MSH4: variants seen among roughly 807,000 people sequenced by gnomAD.
MSH4 encodes the protein mutS homolog 4, also known as mutS protein homolog 4.
Under a neutral mutation model 113.7 loss-of-function variants are expected in MSH4, and 106 were observed. That is an observed-to-expected ratio of 0.93 (90% CI 0.80 to 1.10). The LOEUF (loss-of-function observed/expected upper bound fraction) is 1.10. MSH4 is among the 50% of genes least tolerant of loss of function. The pLI is 0.00. For synonymous variants in MSH4, 368 were observed against 380.2 expected, an observed-to-expected ratio of 0.97 and a Z score of 0.37; for missense variants, 1,061 against 1,093.7, an observed-to-expected ratio of 0.97 and a Z score of 0.42.
At chr1:75,900,024 A>G (rs1003584077) in intron 19 of MSH4, among the ~76,000 whole-genome samples, 6 of 151,966 alleles carry the variant, frequency 3.9e-5, no homozygotes, top group Non-Finnish European at 4.4e-5. Flanking sequence ...TAAAAATGAA[A>G]ATCACTATGC....
intron 1 of MSH4, among the ~76,000 whole-genome samples, chr1:75,798,991 T>A (rs1649878237): frequency 6.6e-6 from 1 of 152,196 alleles, no homozygotes; most frequent in African/African-American, 2.4e-5. Flanking sequence ...GATCAAACTC[T>A]CTAGAAGGAT....
rs768580249 is a variant in MSH4 at position 75,797,074 on chromosome 1, G to C, written c.89G>C (p.Arg30Pro). The change falls in exon 1 of 20, where the codon CGC becomes CCC. Residue 30 changes from arginine (R) to proline (P), a missense_variant. Arg to Pro is a moderately radical substitution (Grantham distance 103). Coordinates refer to ENST00000263187, the MANE Select transcript of MSH4 (RefSeq NM_002440.4). The stretch of plus-strand genomic sequence containing the variant: ...GAAACCCGCTCACCTCAGGGTCCCC[G>C]CTACAATTTCGGACTCCAGGAGACT... ...SGETRSPQGP[R>P]YNFGLQETPQ... is the part of the protein sequence containing the mutation. 1.2e-5 allele frequency: 20 copies of C among 1,613,922 alleles called. No individual in the cohort carries two copies. The East Asian group carries it at 4.2e-4, about 34-fold the overall frequency.
intron 6 of MSH4, 21 bp from the exon 7 acceptor site, chr1:75,822,388 A>T (rs754686918): frequency 6.7e-7 from 1 of 1,489,348 alleles, no homozygotes; most frequent in East Asian, 2.5e-5. Flanking sequence ...ATTCTTACTG[A>T]CATTTCTTGT....
chr1:75,906,967 G>A (rs1652673012), intron 19 of MSH4, among the ~76,000 whole-genome samples: 1 of 151,676 alleles, frequency 6.6e-6, no homozygotes, highest in Admixed American at 6.6e-5. Flanking sequence ...CTGAGTAGCT[G>A]GGACTACAGG....
At chr1:75,846,185 T>A (rs1570964428) in intron 7 of MSH4, among the ~76,000 whole-genome samples, 1 of 152,108 alleles carries the variant, frequency 6.6e-6, no homozygotes, top group East Asian at 1.9e-4. Flanking sequence ...CTTCCCTAGA[T>A]CTCTGAAATG....
chr1:75,846,128 G>A (rs1214275860), intron 7 of MSH4, among the ~76,000 whole-genome samples: 2 of 114,000 alleles, frequency 1.8e-5, no homozygotes, highest in Non-Finnish European at 3.6e-5. Flanking sequence ...AGCAAATGCT[G>A]AGGTCTCACA....
intron 6 of MSH4, among the ~76,000 whole-genome samples, chr1:75,820,793 C>A (rs573957637): frequency 8.6e-5 from 13 of 151,998 alleles, no homozygotes; most frequent in Non-Finnish European, 1.9e-4. Flanking sequence ...CAACAAAGAT[C>A]AAAAGAGACA....
In MSH4 at chr1:75,798,559, C is replaced by CTT. The variant is rs35974049; in HGVS notation, c.244+1344_244+1345dup. ...ATGATTAATTAAATTCCTCTCTGCA[C>CTT]TTTTTTTTTTTTTTTGAGACAGAGT... is the stretch of plus-strand genomic sequence containing the variant. On this transcript the variant is annotated intron_variant, in intron 1 of 19. Coordinates refer to ENST00000263187, the MANE Select transcript of MSH4 (RefSeq NM_002440.4). Among the ~76,000 whole-genome samples, 218 of 137,648 alleles carry CTT rather than the reference C, an allele frequency of 1.6e-3. 11 individuals carry two copies. The highest frequency in any genetic ancestry group is 2.3e-3 in the South Asian group (10 of 4,342). The allele number at this position is 137,648 out of a possible 152,430, so 90.3% of individuals were successfully genotyped here. A position where few individuals can be genotyped will look rare whatever the true frequency, so the allele number is the denominator to read the frequency against.
At chr1:75,807,933 G>A (rs1191291828) in intron 3 of MSH4, among the ~76,000 whole-genome samples, 1 of 152,120 alleles carries the variant, frequency 6.6e-6, no homozygotes, top group Admixed American at 6.6e-5. Context: ...TAAGAGCTGG[G>A]ACAGACTCTT....
rs111548015 is a variant in MSH4, at chr1:75,897,979, A to T, written c.2428A>T (p.Met810Leu). The part of the protein sequence containing the change: ...IDALYPNVEN[M>L]HFEVQHVKNT... ...TGCCCTGTATCCTAATGTAGAAAAC[A>T]TGCATTTTGAAGTTCAACATGTAAA... is the stretch of plus-strand genomic sequence containing the variant. Residue 810 changes from methionine to leucine, a missense_variant, in exon 18 of 20, where the codon ATG becomes TTG. Physicochemically the swap from Met to Leu is conservative, Grantham distance 15. Coordinates refer to ENST00000263187, the MANE Select transcript of MSH4 (RefSeq NM_002440.4). The T allele has an allele frequency of 6.2e-7, 1 of 1,607,470 alleles. No individual in the cohort carries two copies. The highest frequency in any genetic ancestry group is 8.5e-7 in the Non-Finnish European group (1 of 1,176,404).
At chr1:75,825,448 C>G (rs748508505) in intron 7 of MSH4, among the ~76,000 whole-genome samples, 16 of 151,978 alleles carry the variant, frequency 1.1e-4, no homozygotes, top group Non-Finnish European at 1.9e-4. Flanking sequence ...ATATGAATAC[C>G]CTTTATTTCT....
intron 9 of MSH4, among the ~76,000 whole-genome samples, chr1:75,875,464 G>T (rs955399925): frequency 1.3e-5 from 2 of 152,058 alleles, no homozygotes; most frequent in African/African-American, 4.8e-5. Context: ...AAGAAATCAT[G>T]TCAATTATAA....
intron 6 of MSH4, 136 bp downstream of exon 6, chr1:75,816,682 A>C: frequency 2.4e-6 from 1 of 424,578 alleles, no homozygotes; most frequent in Non-Finnish European, 4.0e-6. Context: ...GCTGGAGTGC[A>C]GTGGTGCGAT....
chr1:75,890,849 G>T (rs1174642717), intron 17 of MSH4, 25 bp downstream of exon 17: 8 of 1,476,848 alleles, frequency 5.4e-6, no homozygotes, highest in South Asian at 2.4e-5. Flanking sequence ...TAAGTATATT[G>T]ATTTTGAGTC....
At chr1:75,842,061 G>A (rs1008624256) in intron 7 of MSH4, among the ~76,000 whole-genome samples, 1 of 152,144 alleles carries the variant, frequency 6.6e-6, no homozygotes, top group East Asian at 1.9e-4. Context: ...TTTTAGGGAG[G>A]CATGAGACAT....
At chr1:75,885,033 G>C (rs1482994608) in intron 15 of MSH4, among the ~76,000 whole-genome samples, 5 of 108,254 alleles carry the variant, frequency 4.6e-5, no homozygotes, top group Non-Finnish European at 9.3e-5. Context: ...ATATATATGT[G>C]TGTGTGTGTG....
intron 10 of MSH4, 118 bp from the exon 11 acceptor site, chr1:75,878,031 G>A (rs1393368879): frequency 2.9e-6 from 2 of 697,842 alleles, no homozygotes; most frequent in African/African-American, 3.7e-5. Context: ...TGCTTAATTA[G>A]TTATTTCAAA....
intron 7 of MSH4, among the ~76,000 whole-genome samples, chr1:75,838,148 T>C (rs1424277671): frequency 6.6e-6 from 1 of 152,236 alleles, no homozygotes; most frequent in Non-Finnish European, 1.5e-5. Context: ...CTAAAATCAG[T>C]ATGTCAGCAG....
chr1:75,806,757 T>C (rs2100505921), intron 2 of MSH4, among the ~76,000 whole-genome samples: 1 of 152,270 alleles, frequency 6.6e-6, no homozygotes, highest in East Asian at 1.9e-4. Flanking sequence ...ATGTAAATTT[T>C]GGGCCAATTT....
Sources: allele counts gnomAD v4.1 joint callset (sites outside exome capture counted in the v4.1 genomes callset), GRCh38; gene constraint gnomAD v4.1.1; transcripts MANE v1.5; gene names NCBI Gene and HGNC (gene_info 2026-07-23, HGNC 2026-07-21).